WHRN: variants seen among roughly 807,000 people sequenced by gnomAD.
The protein encoded by WHRN is whirlin.
In WHRN, 41 loss-of-function variants were observed where a neutral mutation model predicts 68.3. The ratio of observed to expected loss-of-function variants is 0.60; its 90% confidence interval spans 0.47 to 0.78. WHRN has a LOEUF of 0.78. Among genes scored for constraint, WHRN ranks in the 30% least tolerant of loss-of-function variants. The pLI, the probability that WHRN is intolerant of heterozygous loss-of-function variation, is 0.00. For missense variants in WHRN, 1,243 were observed against 1,244.7 expected, an observed-to-expected ratio of 1.00 and a Z score of 0.02; for synonymous variants, 560 against 561.3, an observed-to-expected ratio of 1.00 and a Z score of 0.03.
At chr9:114,483,280 T>C (rs1842230807) in intron 1 of WHRN, among the ~76,000 whole-genome samples, 1 of 152,166 alleles carries the variant, frequency 6.6e-6, no homozygotes, top group Admixed American at 6.5e-5. Flanking sequence ...GCAGTGGCCA[T>C]CAGAATCCTG....
At chr9:114,501,551 T>TACACACACACACACACACACAC (rs59195050) in intron 1 of WHRN, among the ~76,000 whole-genome samples, 3 of 144,876 alleles carry the variant, frequency 2.1e-5, no homozygotes, top group Admixed American at 1.4e-4. Flanking sequence ...TAATTTTTAT[T>TACACACACACACACACACACAC]ACACACACAC....
chr9:114,472,302 G>A (rs1329884611), intron 2 of WHRN, among the ~76,000 whole-genome samples: 1 of 152,190 alleles, frequency 6.6e-6, no homozygotes, highest in Non-Finnish European at 1.5e-5. Flanking sequence ...CCCAGACTCG[G>A]CCTGGTTGCC....
intron 3 of WHRN, among the ~76,000 whole-genome samples, chr9:114,430,438 T>C (rs956179453): frequency 6.6e-6 from 1 of 152,210 alleles, no homozygotes; most frequent in Admixed American, 6.5e-5. Flanking sequence ...ACTGAAAATC[T>C]AGCCACCCTG....
chr9:114,438,673 T>A (rs529834122), intron 3 of WHRN, among the ~76,000 whole-genome samples: 1 of 151,990 alleles, frequency 6.6e-6, no homozygotes, highest in Non-Finnish European at 1.5e-5. Flanking sequence ...GGATGGTCGC[T>A]ATCTCCTGAC....
intron 3 of WHRN, among the ~76,000 whole-genome samples, chr9:114,460,352 C>T (rs1026102676): frequency 7.2e-5 from 11 of 152,140 alleles, no homozygotes; most frequent in Non-Finnish European, 1.2e-4. Flanking sequence ...TATTAATGTC[C>T]GCCACAGGGC....
At chr9:114,466,596 A>C (rs2132961455) in intron 2 of WHRN, among the ~76,000 whole-genome samples, 1 of 152,272 alleles carries the variant, frequency 6.6e-6, no homozygotes, top group African/African-American at 2.4e-5. Context: ...ACCTTGAGGA[A>C]GCCCCTCACC....
intron 2 of WHRN, among the ~76,000 whole-genome samples, chr9:114,474,568 AC>A (rs1841496839): frequency 6.6e-6 from 1 of 152,122 alleles, no homozygotes; most frequent in Admixed American, 6.5e-5. Context: ...GTCATGCTGT[AC>A]CCTCTGTCTG....
At chr9:114,410,577 T>G (rs542078717) in intron 7 of WHRN, among the ~76,000 whole-genome samples, 1 of 152,304 alleles carries the variant, frequency 6.6e-6, no homozygotes, top group East Asian at 1.9e-4. Context: ...AGGCCAGTCA[T>G]GCCACACATA....
chr9:114,503,141 A>T, intron 1 of WHRN: 1 of 985,446 alleles, frequency 1.0e-6, no homozygotes, highest in South Asian at 4.7e-5. Flanking sequence ...CTCAGGAGGA[A>T]GTAGTCGTGG....
intron 3 of WHRN, among the ~76,000 whole-genome samples, chr9:114,464,231 C>T (rs1840476231): frequency 6.6e-6 from 1 of 152,198 alleles, no homozygotes; most frequent in South Asian, 2.1e-4. Flanking sequence ...GGAAAGAAGA[C>T]ACACGATCCA....
intron 1 of WHRN, among the ~76,000 whole-genome samples, chr9:114,479,421 C>T (rs1028907519): frequency 6.6e-6 from 1 of 152,190 alleles, no homozygotes; most frequent in African/African-American, 2.4e-5. Context: ...ACCCTTTCCC[C>T]GTGATCATTC....
In WHRN at chr9:114,406,467, G is replaced by A. The variant is rs753136572; in HGVS notation, c.2124C>T (p.Pro708=). ...TGCCTGTCTGGTCTGGGTGGCCAGA[G>A]GGTGATGGGGGCAGAAGGCAGCCCC... The part of the protein sequence containing the change: ...VAGGCLLPPS[P]SGHPDQTGTN... The change falls in exon 9 of 12, where the codon CCC becomes CCT. Residue 708 remains proline (P), a synonymous_variant. Coordinates refer to ENST00000362057, the MANE Select transcript of WHRN (RefSeq NM_015404.4). The A allele has an allele frequency of 6.2e-7, 1 of 1,614,056 alleles. No homozygotes were observed. The highest frequency in any genetic ancestry group is 1.3e-5 in the African/African-American group (1 of 74,948).
In WHRN at chr9:114,501,815, C is replaced by T. The variant is rs149901397; in HGVS notation, c.618+2369G>A. 7.6e-3 allele frequency among the ~76,000 whole-genome samples: 1,150 copies of T among 152,298 alleles called. 16 individuals carry two copies. Among genetic ancestry groups the T allele is most frequent in the African/African-American group, 0.026 (1,076 of 41,552 alleles). On this transcript the variant is annotated intron_variant, in intron 1 of 11. Transcript: ENST00000362057. ...CCATAAAATCCCCGACATGGTGACT[C>T]GCAGCACTGCAGTTTACAAAGAACG... is the stretch of plus-strand genomic sequence containing the variant.
rs776869555 is a variant in WHRN, at chr9:114,404,055, G to A, written c.2259C>T (p.Leu753=). 9 of 1,613,106 alleles carry A rather than the reference G, an allele frequency of 5.6e-6. No homozygotes were observed. The African/African-American group carries it at 9.3e-5, about 17-fold the overall frequency. ...QTRTASTLSQ[L]SDSGQTLSED... ...CGCTTAGAGTCTGCCCGCTGTCCGA[G>A]AGCTGGGAGAGCGTAGAGGCTGCTG... The change falls in exon 10 of 12, where the codon CTC becomes CTT. Residue 753 remains leucine (L), a synonymous_variant. Coordinates refer to ENST00000362057, the MANE Select transcript of WHRN (RefSeq NM_015404.4).
intron 1 of WHRN, among the ~76,000 whole-genome samples, chr9:114,480,005 G>A (rs543512706): frequency 6.6e-6 from 1 of 152,332 alleles, no homozygotes; most frequent in East Asian, 1.9e-4. Context: ...GGAGGTTGCA[G>A]TGAGCTGAGA....
intron 1 of WHRN, among the ~76,000 whole-genome samples, chr9:114,483,102 G>C (rs1317606632): frequency 1.3e-5 from 2 of 152,232 alleles, no homozygotes; most frequent in African/African-American, 4.8e-5. Flanking sequence ...ATCTACCTCT[G>C]ATAATGACTA....
chr9:114,402,670 C>T lies in WHRN; in HGVS notation c.*84G>A, dbSNP rs978589139. The T allele has an allele frequency of 4.8e-5, 75 of 1,568,766 alleles. 1 individual carries two copies. The highest frequency in any genetic ancestry group is 6.0e-5 in the Non-Finnish European group (69 of 1,145,264). ...CACCCTGGCCATGCAGCCCCAACCCCGCAAGGAGCTTGATGAAGCCAACGG... is the reference window on the plus strand; with the variant it reads ...CACCCTGGCCATGCAGCCCCAACCCTGCAAGGAGCTTGATGAAGCCAACGG... On this transcript the variant is annotated 3_prime_UTR_variant, in exon 12 of 12. Transcript: ENST00000362057.
chr9:114,493,371 A>AAAGGGGGGG (rs1843160138), intron 1 of WHRN, among the ~76,000 whole-genome samples: 1 of 6,506 alleles, frequency 1.5e-4, no homozygotes, highest in Non-Finnish European at 2.9e-4. Context: ...AAAAAAAAAA[A>AAAGGGGGGG]GTGGGGGTGG....
intron 2 of WHRN, among the ~76,000 whole-genome samples, chr9:114,471,463 C>A (rs561838974): frequency 1.3e-5 from 2 of 152,374 alleles, no homozygotes; most frequent in South Asian, 4.1e-4. Flanking sequence ...ATGCACCACA[C>A]TGCCTCTCAC....
Sources: gnomAD v4.1 joint callset for allele counts (sites outside exome capture counted in the v4.1 genomes callset) on GRCh38, gnomAD v4.1.1 for gene constraint, MANE v1.5 for transcripts, NCBI Gene and HGNC (gene_info 2026-07-23, HGNC 2026-07-21) for gene names.